The following HMGB1 variants were observed in gnomAD, a reference collection of about 807,000 sequenced individuals.
HMGB1 encodes high mobility group protein B1.
For missense variants in HMGB1, 79 were observed against 253.5 expected (o/e 0.31, Z 4.67); for synonymous variants, 81 against 84.0 (o/e 0.96, Z 0.19).
chr13:30,512,694 A>C (rs918356236), intron 1 of HMGB1, among the ~76,000 whole-genome samples: 2 of 152,220 alleles, frequency 1.3e-5, no homozygotes, highest in African/African-American at 4.8e-5. Context: ...GCTTCCACTC[A>C]GTAATAATAA....
At chr13:30,462,477 A>T (rs1886414539) in intron 4 of HMGB1, 61 bp downstream of exon 4, 1 of 1,342,312 alleles carries the variant, frequency 7.4e-7, no homozygotes, top group African/African-American at 1.4e-5. Flanking sequence ...CCTCAAACTA[A>T]GTACAATCAT....
At chr13:30,528,279 G>A (rs1277892301) in intron 1 of HMGB1, among the ~76,000 whole-genome samples, 1 of 152,154 alleles carries the variant, frequency 6.6e-6, no homozygotes, top group Non-Finnish European at 1.5e-5. Flanking sequence ...CTTCTTTCAT[G>A]GCCAACCACA....
At chr13:30,565,180 A>AT (rs1284154801) in intron 1 of HMGB1, among the ~76,000 whole-genome samples, 1 of 152,194 alleles carries the variant, frequency 6.6e-6, no homozygotes, top group Non-Finnish European at 1.5e-5. Flanking sequence ...TCAAGCTTCC[A>AT]TTTTTGAATT....
At chr13:30,602,207 ACACCAG>A (rs1204970070) in intron 1 of HMGB1, among the ~76,000 whole-genome samples, 3 of 150,874 alleles carry the variant, frequency 2.0e-5, no homozygotes, top group Non-Finnish European at 4.4e-5. Flanking sequence ...TCACCCAGGG[ACACCAG>A]CACCAGCACC....
intron 1 of HMGB1, chr13:30,553,834 A>G: frequency 7.4e-7 from 1 of 1,359,278 alleles, no homozygotes; most frequent in Non-Finnish European, 1.1e-6. Context: ...AGCCCATATG[A>G]TCACAGTCGT....
intron 1 of HMGB1, chr13:30,463,941 C>T: frequency 2.5e-6 from 1 of 392,968 alleles, no homozygotes; most frequent in Non-Finnish European, 4.2e-6. Context: ...CAAAGATATA[C>T]CCATACAGTA....
chr13:30,575,828 T>C (rs966067197), intron 1 of HMGB1, among the ~76,000 whole-genome samples: 4 of 152,038 alleles, frequency 2.6e-5, no homozygotes, highest in Non-Finnish European at 4.4e-5. Context: ...GGCAGGAAGA[T>C]CCCTTGAGCT....
At chr13:30,579,487 A>G (rs1335329555) in intron 1 of HMGB1, among the ~76,000 whole-genome samples, 1 of 152,134 alleles carries the variant, frequency 6.6e-6, no homozygotes, top group Non-Finnish European at 1.5e-5. Flanking sequence ...AACCTCAGCT[A>G]TAATATAAGT....
At chr13:30,475,225 C>CTCT (rs1555233360) in intron 1 of HMGB1, among the ~76,000 whole-genome samples, 16 of 92,548 alleles carry the variant, frequency 1.7e-4, no homozygotes, top group Admixed American at 6.5e-4. Flanking sequence ...CTCTCTCTCT[C>CTCT]TTTTTTTTTT....
intron 1 of HMGB1, among the ~76,000 whole-genome samples, chr13:30,483,405 C>G (rs1188800947): frequency 6.6e-6 from 1 of 152,086 alleles, no homozygotes; most frequent in Non-Finnish European, 1.5e-5. Flanking sequence ...CCTAGGGATC[C>G]TACCTCTTTA....
At chr13:30,462,478 G>C in intron 4 of HMGB1, 60 bp downstream of exon 4, 1 of 1,353,370 alleles carries the variant, frequency 7.4e-7, no homozygotes, top group South Asian at 1.2e-5. Context: ...CTCAAACTAA[G>C]TACAATCATA....
intron 1 of HMGB1, among the ~76,000 whole-genome samples, chr13:30,595,027 C>T (rs1033203301): frequency 7.3e-5 from 11 of 151,604 alleles, no homozygotes; most frequent in African/African-American, 2.4e-4. Flanking sequence ...TTTTAACTTA[C>T]ATTTGAAGTT....
At position 30,614,729 on chromosome 13, in the gene HMGB1, C is replaced by T. The variant is rs530338439; in HGVS notation, c.-15+1942G>A. Among the ~76,000 whole-genome samples, 13 of 152,138 alleles carry T rather than the reference C, an allele frequency of 8.5e-5. No homozygotes were observed. In the South Asian group the frequency reaches 2.7e-3, roughly 32 times the overall value. Reference sequence around the variant, plus strand: ...TTTGTTTTTTTGAGATGGAGTCTTGCTCTGTCGCTCAGGCTGGAGTGCAGT... The same window carrying T: ...TTTGTTTTTTTGAGATGGAGTCTTGTTCTGTCGCTCAGGCTGGAGTGCAGT... On this transcript the variant is annotated intron_variant, in intron 1 of 4. Transcript: ENST00000405805.
chr13:30,522,123 T>TTTA, intron 1 of HMGB1, among the ~76,000 whole-genome samples: 1 of 149,820 alleles, frequency 6.7e-6, no homozygotes, highest in Non-Finnish European at 1.5e-5. Context: ...TTTTTTTTTT[T>TTTA]TTTGGGCAAG....
rs1393529280 is a variant in HMGB1 at position 30,458,739 on chromosome 13, C to T, written c.*2618G>A. The T allele has an allele frequency of 6.6e-6, 1 of 152,146 alleles. No homozygotes were observed. 9.4% of individuals were successfully genotyped at this position (152,146 alleles called of 1,614,324 possible). ...AATGGCAGTTTGTGTTACATGGGCGCTTTTCTTATCTTTATCATTTAATCA... is the reference window on the plus strand; with the variant it reads ...AATGGCAGTTTGTGTTACATGGGCGTTTTTCTTATCTTTATCATTTAATCA... On this transcript the variant is annotated 3_prime_UTR_variant, in exon 5 of 5. Coordinates refer to ENST00000341423, the MANE Select transcript of HMGB1 (RefSeq NM_002128.7).
intron 1 of HMGB1, among the ~76,000 whole-genome samples, chr13:30,610,994 T>C (rs1011943358): frequency 6.6e-6 from 1 of 152,182 alleles, no homozygotes; most frequent in African/African-American, 2.4e-5. Flanking sequence ...AATTACCAGC[T>C]CCAATTAGCA....
At chr13:30,564,166 C>T (rs1383717423) in intron 1 of HMGB1, among the ~76,000 whole-genome samples, 2 of 151,394 alleles carry the variant, frequency 1.3e-5, no homozygotes, top group African/African-American at 4.9e-5. Flanking sequence ...CGTGCAGTGG[C>T]TCATGCCTGT....
intron 1 of HMGB1, among the ~76,000 whole-genome samples, chr13:30,488,425 T>G (rs983333948): frequency 6.6e-6 from 1 of 152,088 alleles, no homozygotes; most frequent in African/African-American, 2.4e-5. Context: ...ACCCAAAAGA[T>G]TCAAAGTAGT....
chr13:30,475,659 C>T (rs1349567391), intron 1 of HMGB1, among the ~76,000 whole-genome samples: 1 of 151,952 alleles, frequency 6.6e-6, no homozygotes, highest in Non-Finnish European at 1.5e-5. Flanking sequence ...ATGATCCTGC[C>T]ATCACACTCC....
Sources: allele counts gnomAD v4.1 joint callset (sites outside exome capture counted in the v4.1 genomes callset), GRCh38; gene constraint gnomAD v4.1.1; transcripts MANE v1.5; gene names NCBI Gene and HGNC (gene_info 2026-07-23, HGNC 2026-07-21).